The following RANBP9 variants were observed in gnomAD, a reference collection of about 807,000 sequenced individuals.
RANBP9 encodes ran-binding protein 9.
Under a neutral mutation model 84.3 loss-of-function variants are expected in RANBP9, and 15 were observed. That is an observed-to-expected ratio of 0.18 (90% CI 0.12 to 0.27). The LOEUF (loss-of-function observed/expected upper bound fraction) is 0.27. Ranked by LOEUF, RANBP9 falls within the 10% of genes least tolerant of loss-of-function variation. The pLI is 1.00. For synonymous variants in RANBP9, 392 were observed against 349.6 expected, an observed-to-expected ratio of 1.12 and a Z score of -1.35; for missense variants, 809 against 912.8, an observed-to-expected ratio of 0.89 and a Z score of 1.46.
intron 5 of RANBP9, among the ~76,000 whole-genome samples, chr6:13,646,775 T>C (rs779752034): frequency 2.0e-5 from 3 of 152,020 alleles, no homozygotes; most frequent in African/African-American, 4.8e-5. Flanking sequence ...GCCACACATA[T>C]GGCAAAATGT....
At position 13,711,801 on chromosome 6, in the gene RANBP9, GGCGGCCGCC is replaced by G. The variant is rs1354481682; in HGVS notation, c.-305_-297del. On this transcript the variant is annotated 5_prime_UTR_variant, in exon 1 of 14. Coordinates refer to ENST00000011619, the MANE Select transcript of RANBP9 (RefSeq NM_005493.3). ...GGAGCGCGGGAGGGGAAGGCGCGCT[GGCGGCCGCC>G]GCGGCCGCTGCTCTCGCGGCTGTTT... Among the ~76,000 whole-genome samples, 23 of 146,644 alleles carry G rather than the reference GGCGGCCGCC, an allele frequency of 1.6e-4. No individual in the cohort carries two copies. The highest frequency in any genetic ancestry group is 4.0e-4 in the East Asian group (2 of 5,050).
At chr6:13,652,411 TAA>T (rs1239390221) in intron 5 of RANBP9, among the ~76,000 whole-genome samples, 1 of 152,192 alleles carries the variant, frequency 6.6e-6, no homozygotes, top group African/African-American at 2.4e-5. Context: ...TGGTGACATT[TAA>T]AAAGACACTT....
chr6:13,663,508 CAT>C (rs1765580110), intron 2 of RANBP9, among the ~76,000 whole-genome samples: 1 of 151,874 alleles, frequency 6.6e-6, no homozygotes, highest in South Asian at 2.1e-4. Context: ...AGATGTAATA[CAT>C]ATGACAATTA....
At chr6:13,657,541 G>A (rs1388972995) in intron 3 of RANBP9, among the ~76,000 whole-genome samples, 1 of 151,980 alleles carries the variant, frequency 6.6e-6, no homozygotes, top group African/African-American at 2.4e-5. Context: ...AAACATAAAT[G>A]CAACAACCAC....
chr6:13,683,686 AT>A (rs980697587), intron 2 of RANBP9, among the ~76,000 whole-genome samples: 8 of 150,622 alleles, frequency 5.3e-5, no homozygotes, highest in African/African-American at 1.5e-4. Flanking sequence ...AAAATATGTT[AT>A]TTTTTTTCTA....
chr6:13,703,075 T>C (rs1295645953), intron 1 of RANBP9, among the ~76,000 whole-genome samples: 2 of 152,206 alleles, frequency 1.3e-5, no homozygotes, highest in East Asian at 1.9e-4. Context: ...TGCAGTGGCA[T>C]GATCACCGCT....
intron 6 of RANBP9, 116 bp downstream of exon 6, chr6:13,644,429 T>C (rs991992947): frequency 8.3e-6 from 8 of 961,018 alleles, no homozygotes; most frequent in Admixed American, 6.1e-5. Flanking sequence ...AATAATATAA[T>C]AGATATGTCA....
At chr6:13,638,011 T>TGTATTAATAAGGC in intron 9 of RANBP9, 56 bp from the exon 10 acceptor site, 4 of 1,468,430 alleles carry the variant, frequency 2.7e-6, no homozygotes, top group Non-Finnish European at 3.6e-6. Context: ...ATTAATACGG[T>TGTATTAATAAGGC]TGTAAACAAG....
Position 13,641,384 on chromosome 6 carries a change from A to C in RANBP9, c.1226-77T>G. 4.7e-5 allele frequency: 38 copies of C among 816,544 alleles called. No homozygotes were observed. In the South Asian group the frequency reaches 6.7e-4, roughly 14 times the overall value. The allele number at this position is 816,544 out of a possible 1,614,324, so 50.6% of individuals were successfully genotyped here. A position where few individuals can be genotyped will look rare whatever the true frequency, so the allele number is the denominator to read the frequency against. The stretch of plus-strand genomic sequence containing the variant: ...ATAAACTTAGTGACCTCAGAAAAGA[A>C]AGTTAGTAAGAAATCTTTAAATAAA... On this transcript the variant is annotated intron_variant, in intron 7 of 13. Coordinates refer to ENST00000011619, the MANE Select transcript of RANBP9 (RefSeq NM_005493.3).
intron 2 of RANBP9, among the ~76,000 whole-genome samples, chr6:13,679,211 T>C (rs1316451417): frequency 1.3e-5 from 2 of 152,200 alleles, no homozygotes; most frequent in East Asian, 1.9e-4. Context: ...TTCACAATAA[T>C]ATACACCAAG....
At position 13,711,360 on chromosome 6, in the gene RANBP9, C is replaced by G; in HGVS notation, c.146G>C (p.Gly49Ala). ...PAVSAGSSPA[G>A]SPGGGAGGEG... is the part of the protein sequence containing the mutation. ...GCCGCCCGCACCGCCGCCGGGCGAG[C>G]CGGCCGGAGAAGAGCCGGCGCTGAC... The change falls in exon 1 of 14, where the codon GGC (glycine) becomes GCC (alanine). Residue 49 changes from glycine to alanine, a missense_variant. Physicochemically the swap from Gly to Ala is moderately conservative, Grantham distance 60 (BLOSUM62 0). This residue lies in a region of RANBP9 where 302 missense variants were observed against 240.1 expected (regional missense o/e 1.26). Coordinates refer to ENST00000011619, the MANE Select transcript of RANBP9 (RefSeq NM_005493.3). 8.7e-7 allele frequency: 1 copy of G among 1,153,442 alleles called. No individual in the cohort carries two copies. The highest frequency in any genetic ancestry group is 1.1e-6 in the Non-Finnish European group (1 of 938,080). 71.5% of individuals were successfully genotyped at this position (1,153,442 alleles called of 1,614,324 possible).
chr6:13,709,125 T>C (rs1758208341), intron 1 of RANBP9, among the ~76,000 whole-genome samples: 2 of 152,222 alleles, frequency 1.3e-5, no homozygotes, highest in South Asian at 2.1e-4. Context: ...TAATTTCATA[T>C]AAACGTGTAT....
At chr6:13,645,033 T>A (rs2127766393) in intron 5 of RANBP9, among the ~76,000 whole-genome samples, 1 of 152,322 alleles carries the variant, frequency 6.6e-6, no homozygotes, top group Admixed American at 6.5e-5. Flanking sequence ...TGCATGTAAT[T>A]CTTGTTCTAA....
chr6:13,698,908 T>C (rs1392993484), intron 1 of RANBP9, among the ~76,000 whole-genome samples: 2 of 152,294 alleles, frequency 1.3e-5, no homozygotes, highest in Non-Finnish European at 1.5e-5. Context: ...TTAGTTACAA[T>C]GAACATTCGG....
intron 1 of RANBP9, among the ~76,000 whole-genome samples, chr6:13,700,134 A>G (rs901722626): frequency 6.6e-6 from 1 of 152,248 alleles, no homozygotes; most frequent in Non-Finnish European, 1.5e-5. Context: ...TTCTAAGGCT[A>G]GCAAGTTTAG....
chr6:13,623,776 T>G lies in RANBP9; in HGVS notation c.2060-1284A>C, dbSNP rs114613025. Among the ~76,000 whole-genome samples, 854 of 152,330 alleles carry G rather than the reference T, an allele frequency of 5.6e-3. 12 individuals carry two copies. The highest frequency in any genetic ancestry group is 0.019 in the African/African-American group (803 of 41,560). Reference sequence around the variant, plus strand: ...AGTTTAATAATTGTGTCATTAATTTTACAGGAATCGCATACATTTATATTA... The same window carrying G: ...AGTTTAATAATTGTGTCATTAATTTGACAGGAATCGCATACATTTATATTA... On this transcript the variant is annotated intron_variant, in intron 13 of 13. Coordinates refer to ENST00000011619, the MANE Select transcript of RANBP9 (RefSeq NM_005493.3).
At chr6:13,660,709 G>C (rs1765521978) in intron 2 of RANBP9, among the ~76,000 whole-genome samples, 1 of 152,054 alleles carries the variant, frequency 6.6e-6, no homozygotes, top group African/African-American at 2.4e-5. Flanking sequence ...TTCCCTACTA[G>C]AAATTAAAAC....
At chr6:13,656,743 C>G (rs192968934) in intron 4 of RANBP9, among the ~76,000 whole-genome samples, 1 of 152,250 alleles carries the variant, frequency 6.6e-6, no homozygotes, top group East Asian at 1.9e-4. Flanking sequence ...CCACACTATC[C>G]TAACAACTGA....
At chr6:13,707,586 A>C (rs1480223488) in intron 1 of RANBP9, among the ~76,000 whole-genome samples, 1 of 152,232 alleles carries the variant, frequency 6.6e-6, no homozygotes, top group Non-Finnish European at 1.5e-5. Context: ...AAGAACACTA[A>C]ATCTGGAGTT....
Sources: allele counts gnomAD v4.1 joint callset (sites outside exome capture counted in the v4.1 genomes callset), GRCh38; gene constraint gnomAD v4.1.1; regional missense constraint gnomAD v4.1.1; transcripts MANE v1.5; gene names NCBI Gene and HGNC (gene_info 2026-07-23, HGNC 2026-07-21).